The following LPP variants were observed in gnomAD, a reference collection of about 807,000 sequenced individuals.
LPP encodes the protein LIM domain containing preferred translocation partner in lipoma, also known as lipoma-preferred partner.
A neutral mutation model predicts 60.4 loss-of-function variants in LPP; 38 were observed. The observed-to-expected ratio is 0.63, with a 90% CI of 0.49 to 0.83. The LOEUF is 0.83. LPP is among the 40% of genes least tolerant of loss of function. The probability of loss-of-function intolerance (pLI) is 0.00; values close to 1 mark genes in which losing one functional copy is unlikely to be tolerated. For missense variants in LPP, 902 were observed against 783.6 expected (o/e 1.15, Z -1.80); for synonymous variants, 328 against 290.8 (o/e 1.13, Z -1.30).
At position 188,879,634 on chromosome 3, in the gene LPP, T is replaced by C. The variant is rs1769688937; in HGVS notation, c.*5155T>C. The stretch of plus-strand genomic sequence containing the variant: ...CTTTCAAAGACTAGGTTAAGATTTT[T>C]TTTTTAAGTCTGAAGCAATGTAACC... On this transcript the variant is annotated 3_prime_UTR_variant, in exon 12 of 12. Transcript: ENST00000617246. 5.4e-6 allele frequency: 1 copy of C among 185,426 alleles called. No individual in the cohort carries two copies. Among genetic ancestry groups the C allele is most frequent in the Non-Finnish European group, 1.1e-5 (1 of 87,528 alleles). The allele number at this position is 185,426 out of a possible 1,614,324, so 11.5% of individuals were successfully genotyped here. A position where few individuals can be genotyped will look rare whatever the true frequency, so the allele number is the denominator to read the frequency against.
chr3:188,499,610 A>G (rs9861086), intron 5 of LPP, among the ~76,000 whole-genome samples: 28,633 of 152,056 alleles, frequency 0.19, 3,251 homozygotes, highest in East Asian at 0.45. Context: ...CATATTCCAT[A>G]TGAATTTTAG....
intron 2 of LPP, among the ~76,000 whole-genome samples, chr3:188,269,024 C>T (rs1736660003): frequency 6.6e-6 from 1 of 152,154 alleles, no homozygotes; most frequent in Non-Finnish European, 1.5e-5. Flanking sequence ...AAGATTGCTG[C>T]CTCCAGGGGT....
chr3:188,684,674 A>T (rs1293038845), intron 7 of LPP, among the ~76,000 whole-genome samples: 1 of 151,992 alleles, frequency 6.6e-6, no homozygotes. Flanking sequence ...AGAAATTTTT[A>T]TGTAAATACA....
At chr3:188,515,363 G>T (rs6807693) in intron 5 of LPP, among the ~76,000 whole-genome samples, 2 of 151,976 alleles carry the variant, frequency 1.3e-5, no homozygotes, top group African/African-American at 4.8e-5. Context: ...AGCTTCCTGA[G>T]GCTCTCATCA....
At chr3:188,240,213 A>G (rs1577474649) in intron 2 of LPP, 2 of 178,460 alleles carry the variant, frequency 1.1e-5, no homozygotes, top group East Asian at 9.4e-5. Context: ...CCTTTCATAA[A>G]CTAATTTAAA....
intron 9 of LPP, among the ~76,000 whole-genome samples, chr3:188,837,151 G>A (rs1758648242): frequency 6.6e-6 from 1 of 152,040 alleles, no homozygotes; most frequent in African/African-American, 2.4e-5. Flanking sequence ...GGAGGCCGAG[G>A]CAGGCAGATC....
At chr3:188,563,812 A>G (rs1168732803) in intron 6 of LPP, among the ~76,000 whole-genome samples, 1 of 148,330 alleles carries the variant, frequency 6.7e-6, no homozygotes, top group Non-Finnish European at 1.5e-5. Context: ...AGCTCATGTT[A>G]TCGACCTGGG....
intron 4 of LPP, among the ~76,000 whole-genome samples, chr3:188,428,316 A>G (rs1789994299): frequency 6.6e-6 from 1 of 152,040 alleles, no homozygotes; most frequent in Non-Finnish European, 1.5e-5. Context: ...CCACCTTCTG[A>G]GTTGATCTCT....
At chr3:188,796,564 T>G (rs192577547) in intron 9 of LPP, among the ~76,000 whole-genome samples, 31 of 152,228 alleles carry the variant, frequency 2.0e-4, no homozygotes, top group African/African-American at 7.2e-4. Flanking sequence ...CACCATGTAT[T>G]CAACATCTCT....
At chr3:188,573,999 A>G (rs1256757145) in intron 6 of LPP, among the ~76,000 whole-genome samples, 1 of 152,170 alleles carries the variant, frequency 6.6e-6, no homozygotes, top group Non-Finnish European at 1.5e-5. Flanking sequence ...CCGTAGCTCC[A>G]ACTGTAATCT....
chr3:188,518,034 T>C (rs1201221547), intron 5 of LPP, among the ~76,000 whole-genome samples: 2 of 152,078 alleles, frequency 1.3e-5, no homozygotes, highest in Non-Finnish European at 2.9e-5. Flanking sequence ...CCTCCATGAG[T>C]AAACGCTTTC....
At chr3:188,648,560 A>G (rs906308473) in intron 7 of LPP, among the ~76,000 whole-genome samples, 1 of 152,178 alleles carries the variant, frequency 6.6e-6, no homozygotes, top group African/African-American at 2.4e-5. Context: ...CACTGCAGTA[A>G]GATCTCTGTC....
chr3:188,669,524 C>G (rs925036560), intron 7 of LPP, among the ~76,000 whole-genome samples: 3 of 151,890 alleles, frequency 2.0e-5, no homozygotes, highest in Non-Finnish European at 2.9e-5. Flanking sequence ...TGCAGTGAGC[C>G]GAGATCGCAC....
chr3:188,327,321 T>C (rs539433702), intron 2 of LPP, among the ~76,000 whole-genome samples: 8 of 152,112 alleles, frequency 5.3e-5, no homozygotes, highest in African/African-American at 1.9e-4. Context: ...GCCAAAAGTG[T>C]TTTTTTGGTA....
chr3:188,304,257 G>A (rs1309172131), intron 2 of LPP, among the ~76,000 whole-genome samples: 1 of 152,168 alleles, frequency 6.6e-6, no homozygotes, highest in Non-Finnish European at 1.5e-5. Flanking sequence ...CCAATTCAGA[G>A]TGTAGTGTAA....
chr3:188,866,148 G>A (rs768376187), intron 9 of LPP, 52 bp from the exon 10 acceptor site: 1 of 1,386,276 alleles, frequency 7.2e-7, no homozygotes, highest in African/African-American at 1.5e-5. Flanking sequence ...CTGTCATGCA[G>A]TATGGACCCC....
chr3:188,558,873 T>C (rs575547173), intron 6 of LPP, among the ~76,000 whole-genome samples: 60 of 152,232 alleles, frequency 3.9e-4, no homozygotes, highest in Non-Finnish European at 5.7e-4. Context: ...GAAATGTGTA[T>C]GACTCAGCTT....
chr3:188,505,081 T>C (rs1266031669), intron 5 of LPP, among the ~76,000 whole-genome samples: 1 of 152,198 alleles, frequency 6.6e-6, no homozygotes, highest in Non-Finnish European at 1.5e-5. Flanking sequence ...ATGTAAACTT[T>C]ACCTAAATTA....
intron 9 of LPP, among the ~76,000 whole-genome samples, chr3:188,816,728 C>T (rs1752592547): frequency 6.6e-6 from 1 of 152,150 alleles, no homozygotes; most frequent in African/African-American, 2.4e-5. Flanking sequence ...TTTTTATTTA[C>T]TTGCTGAGGA....
Sources: allele counts gnomAD v4.1 joint callset (sites outside exome capture counted in the v4.1 genomes callset), GRCh38; gene constraint gnomAD v4.1.1; transcripts MANE v1.5; gene names NCBI Gene and HGNC (gene_info 2026-07-23, HGNC 2026-07-21).